The following RARRES1 variants were observed in gnomAD, a reference collection of about 807,000 sequenced individuals.
The protein encoded by RARRES1 is retinoic acid receptor responder protein 1.
A neutral mutation model predicts 30.6 loss-of-function variants in RARRES1; 34 were observed. That is an observed-to-expected ratio of 1.11 (90% confidence interval 0.84 to 1.48). The LOEUF (loss-of-function observed/expected upper bound fraction) is 1.48, where lower values mean the gene tolerates loss of function less well. Among genes scored for constraint, RARRES1 ranks in the 40% most tolerant of loss-of-function variants. RARRES1 has a pLI of 0.00. For missense variants in RARRES1, 373 were observed against 386.5 expected (o/e 0.97, Z 0.29); for synonymous variants, 153 against 155.5 (o/e 0.98, Z 0.12).
At chr3:158,725,225 T>C (rs1727648919) in intron 1 of RARRES1, among the ~76,000 whole-genome samples, 1 of 152,222 alleles carries the variant, frequency 6.6e-6, no homozygotes, top group African/African-American at 2.4e-5. Flanking sequence ...CTCCAGCCAC[T>C]GTGGGACTAT....
chr3:158,709,037 C>G (rs1273817349), intron 3 of RARRES1, among the ~76,000 whole-genome samples: 1 of 152,172 alleles, frequency 6.6e-6, no homozygotes, highest in Non-Finnish European at 1.5e-5. Flanking sequence ...TTTACATACA[C>G]AGACAAGCTA....
At chr3:158,704,614 G>A (rs1452292568) in intron 4 of RARRES1, 177 bp downstream of exon 4, 29 of 1,009,552 alleles carry the variant, frequency 2.9e-5, no homozygotes, top group Non-Finnish European at 3.8e-5. Flanking sequence ...CTTTGTTCAC[G>A]ACTGTATCCC....
intron 1 of RARRES1, among the ~76,000 whole-genome samples, chr3:158,729,433 A>G (rs1727799009): frequency 6.6e-6 from 1 of 151,860 alleles, no homozygotes. Flanking sequence ...AATGCAAGTT[A>G]TTTTATTATT....
chr3:158,731,358 C>T (rs1171964051), intron 1 of RARRES1, among the ~76,000 whole-genome samples: 1 of 152,188 alleles, frequency 6.6e-6, no homozygotes, highest in East Asian at 1.9e-4. Flanking sequence ...GAAGGAGCAA[C>T]TTTGCTTTTG....
Position 158,697,205 on chromosome 3 carries a change from A to T in RARRES1, c.*473T>A, listed in dbSNP as rs1305381258. 2.0e-5 allele frequency: 3 copies of T among 152,342 alleles called. No individual in the cohort carries two copies. Among genetic ancestry groups the T allele is most frequent in the African/African-American group, 4.8e-5 (2 of 41,464 alleles). 9.4% of individuals were successfully genotyped at this position (152,342 alleles called of 1,614,324 possible). On this transcript the variant is annotated 3_prime_UTR_variant, in exon 6 of 6. Coordinates refer to ENST00000237696, the MANE Select transcript of RARRES1 (RefSeq NM_206963.2). ...AACATAATCAAGTTCTTTTTAAAAC[A>T]GTTAATTTTTTTCCTATAATTTACT...
At chr3:158,709,239 A>AT (rs1434997774) in intron 3 of RARRES1, among the ~76,000 whole-genome samples, 3 of 152,228 alleles carry the variant, frequency 2.0e-5, no homozygotes, top group Admixed American at 6.5e-5. Context: ...AGCCTGCACT[A>AT]TTAAAGAGTG....
At chr3:158,706,464 T>C (rs960337151) in intron 3 of RARRES1, among the ~76,000 whole-genome samples, 1 of 152,158 alleles carries the variant, frequency 6.6e-6, no homozygotes, top group Non-Finnish European at 1.5e-5. Context: ...TGACTGTTCT[T>C]GATAGAATAT....
intron 2 of RARRES1, among the ~76,000 whole-genome samples, chr3:158,712,242 A>G (rs1727158947): frequency 6.6e-6 from 1 of 152,210 alleles, no homozygotes; most frequent in African/African-American, 2.4e-5. Context: ...AGTCCCAGTG[A>G]AAACAACTAC....
intron 5 of RARRES1, 37 bp downstream of exon 5, chr3:158,697,870 AT>A: frequency 6.3e-7 from 1 of 1,579,342 alleles, no homozygotes; most frequent in Non-Finnish European, 8.7e-7. Flanking sequence ...GCAAAAACTT[AT>A]GGTAAAAACA....
chr3:158,711,925 C>G (rs1332300603), intron 2 of RARRES1, among the ~76,000 whole-genome samples: 1 of 152,178 alleles, frequency 6.6e-6, no homozygotes, highest in Non-Finnish European at 1.5e-5. Flanking sequence ...TTTGGATATT[C>G]TGGGATCTCC....
intron 1 of RARRES1, 97 bp downstream of exon 1, chr3:158,732,043 A>C: frequency 8.6e-7 from 1 of 1,165,718 alleles, no homozygotes; most frequent in Non-Finnish European, 1.1e-6. Context: ...CTGGCGGACC[A>C]TCCGTTGGGC....
At chr3:158,718,454 A>G (rs1727395966) in intron 1 of RARRES1, among the ~76,000 whole-genome samples, 1 of 152,256 alleles carries the variant, frequency 6.6e-6, no homozygotes, top group Admixed American at 6.5e-5. Context: ...ACAGAAATAC[A>G]AAAATGCAAA....
chr3:158,729,636 T>A (rs912105676), intron 1 of RARRES1, among the ~76,000 whole-genome samples: 1 of 151,960 alleles, frequency 6.6e-6, no homozygotes, highest in South Asian at 2.1e-4. Context: ...GTATTTTTAG[T>A]AGAGAAGGGG....
rs1727945498 is a variant in RARRES1, at chr3:158,732,408, G to A, written c.8C>T (p.Pro3Leu). 3.3e-6 allele frequency: 5 copies of A among 1,515,320 alleles called. No individual in the cohort carries two copies. The highest frequency in any genetic ancestry group is 3.5e-6 in the Non-Finnish European group (4 of 1,136,994). 93.9% of individuals were successfully genotyped at this position (1,515,320 alleles called of 1,614,324 possible). A position where few individuals can be genotyped will look rare whatever the true frequency, so the allele number is the denominator to read the frequency against. Reference protein sequence around the residue: MQPRRQRLPAPWS... With the variant: MQLRRQRLPAPWS... ...GGGAGCAGGCAGCCGTTGCCGGCGG[G>A]GCTGCATGGACGCAGGAAAGTTGGC... The change falls in exon 1 of 6, where the codon CCC (proline) becomes CTC (leucine). Residue 3 changes from proline (P) to leucine (L), a missense_variant. By Grantham distance (98) the Pro-to-Leu change is moderately conservative. Coordinates refer to ENST00000237696, the MANE Select transcript of RARRES1 (RefSeq NM_206963.2).
Position 158,730,279 on chromosome 3 carries a change from C to T in RARRES1, c.276+1861G>A, listed in dbSNP as rs145778375. Among the ~76,000 whole-genome samples, 1,114 of 146,814 alleles carry T rather than the reference C, an allele frequency of 7.6e-3. 23 individuals are homozygous for T. The highest frequency in any genetic ancestry group is 0.027 in the African/African-American group (1,052 of 39,676). ...AGGTTGCAGTAAGCCGAGATCGCAG[C>T]GCTGCACTCCAGCCTGGGCAACAGA... On this transcript the variant is annotated intron_variant, in intron 1 of 5. Coordinates refer to ENST00000237696, the MANE Select transcript of RARRES1 (RefSeq NM_206963.2).
At position 158,710,883 on chromosome 3, in the gene RARRES1, C is replaced by A; in HGVS notation, c.390G>T (p.Val130=). 6.2e-7 allele frequency: 1 copy of A among 1,614,090 alleles called. No homozygotes were observed. Among genetic ancestry groups the A allele is most frequent in the East Asian group, 2.2e-5 (1 of 44,880 alleles). ...EGRLGKCSAR[V]FFKNQKPRPT... The stretch of plus-strand genomic sequence containing the variant: ...GTCTGGGTTTCTGATTCTTGAAAAA[C>A]ACTCGAGCAGAACATTTCCCCAAAC... The change falls in exon 3 of 6, where the codon GTG becomes GTT. Residue 130 remains valine (V), a synonymous_variant. Transcript: ENST00000237696.
intron 1 of RARRES1, among the ~76,000 whole-genome samples, chr3:158,730,980 T>A (rs1375257129): frequency 1.3e-5 from 2 of 149,910 alleles, no homozygotes; most frequent in Admixed American, 6.7e-5. Flanking sequence ...ACAGGGTTTC[T>A]CCATGTTGGT....
At position 158,732,059 on chromosome 3, in the gene RARRES1, G is replaced by A. The variant is rs1727908180; in HGVS notation, c.276+81C>T. On this transcript the variant is annotated intron_variant, in intron 1 of 5. Coordinates refer to ENST00000237696, the MANE Select transcript of RARRES1 (RefSeq NM_206963.2). The stretch of plus-strand genomic sequence containing the variant: ...TGGCGGACCATCCGTTGGGCCGGCA[G>A]GCGCGCGTACCCAGGTGTCACCTCC... 12 of 1,225,350 alleles carry A rather than the reference G, an allele frequency of 9.8e-6. 1 individual carries two copies. The South Asian group carries it at 3.3e-4, about 34-fold the overall frequency. The allele number at this position is 1,225,350 out of a possible 1,614,324, so 75.9% of individuals were successfully genotyped here.
chr3:158,706,891 G>A (rs1726941444), intron 3 of RARRES1, among the ~76,000 whole-genome samples: 1 of 152,162 alleles, frequency 6.6e-6, no homozygotes, highest in African/African-American at 2.4e-5. Context: ...CAGATAGGCC[G>A]GGCATGGTGG....
Sources: allele counts gnomAD v4.1 joint callset (sites outside exome capture counted in the v4.1 genomes callset), GRCh38; gene constraint gnomAD v4.1.1; transcripts MANE v1.5; gene names NCBI Gene and HGNC (gene_info 2026-07-23, HGNC 2026-07-21).